CADM2: variants seen among roughly 807,000 people sequenced by gnomAD.
CADM2 encodes the protein cell adhesion molecule 2, also known as immunoglobulin superfamily member 4D.
In CADM2, 12 loss-of-function variants were observed where a neutral mutation model predicts 49.8. That is an observed-to-expected ratio of 0.24 (90% confidence interval 0.15 to 0.39). The LOEUF (loss-of-function observed/expected upper bound fraction) is 0.39, where lower values mean the gene tolerates loss of function less well. Ranked by LOEUF, CADM2 falls within the 10% of genes least tolerant of loss-of-function variation. The pLI, the probability that CADM2 is intolerant of heterozygous loss-of-function variation, is 1.00. For missense variants in CADM2, 378 were observed against 492.3 expected, an observed-to-expected ratio of 0.77 and a Z score of 2.20; for synonymous variants, 214 against 175.4, an observed-to-expected ratio of 1.22 and a Z score of -1.74.
chr3:85,891,044 G>A (rs898358535), intron 5 of CADM2, among the ~76,000 whole-genome samples: 9 of 152,056 alleles, frequency 5.9e-5, no homozygotes, highest in Admixed American at 6.6e-5. Context: ...GCTTTCAAAA[G>A]TAAAATGAAA....
At chr3:85,276,819 A>G (rs1006259471) in intron 1 of CADM2, among the ~76,000 whole-genome samples, 2 of 151,336 alleles carry the variant, frequency 1.3e-5, no homozygotes, top group Non-Finnish European at 3.0e-5. Context: ...GGGATATTGG[A>G]CAGCCCAGTT....
chr3:85,123,478 AG>A (rs1424824273), intron 1 of CADM2, among the ~76,000 whole-genome samples: 3 of 152,144 alleles, frequency 2.0e-5, no homozygotes, highest in African/African-American at 7.2e-5. Context: ...GACCTCTAAG[AG>A]GGGCACTCCT....
At chr3:85,013,145 A>T (rs1392609899) in intron 1 of CADM2, among the ~76,000 whole-genome samples, 7 of 67,310 alleles carry the variant, frequency 1.0e-4, no homozygotes, top group Admixed American at 2.0e-4. Context: ...TGGAAATTAA[A>T]AAAAAAAAAA....
intron 1 of CADM2, among the ~76,000 whole-genome samples, chr3:85,075,218 G>A (rs1462797766): frequency 6.6e-6 from 1 of 151,026 alleles, no homozygotes; most frequent in Non-Finnish European, 1.5e-5. Flanking sequence ...GGCCTAAGCA[G>A]TTTTTTTGTT....
intron 1 of CADM2, among the ~76,000 whole-genome samples, chr3:85,432,567 TG>T (rs2036731121): frequency 6.6e-6 from 1 of 152,104 alleles, no homozygotes; most frequent in South Asian, 2.1e-4. Context: ...TTTCATGTAT[TG>T]GAGGAAAAGA....
chr3:85,429,030 T>C (rs1247252829), intron 1 of CADM2, among the ~76,000 whole-genome samples: 2 of 152,142 alleles, frequency 1.3e-5, no homozygotes, highest in Non-Finnish European at 2.9e-5. Context: ...TTTAGTTTAC[T>C]TGACTCTGGT....
At chr3:85,554,069 C>G (rs1449410) in intron 1 of CADM2, among the ~76,000 whole-genome samples, 77,377 of 151,014 alleles carry the variant, frequency 0.51, 22,868 homozygotes, top group East Asian at 0.85. Context: ...GTTTTTGGCA[C>G]CAGGGACCAA....
At chr3:85,762,271 G>A (rs150259629) in intron 2 of CADM2, among the ~76,000 whole-genome samples, 47 of 152,126 alleles carry the variant, frequency 3.1e-4, no homozygotes, top group Middle Eastern at 3.4e-3. Context: ...ACTCTTTGCC[G>A]TGTGTACCTA....
intron 1 of CADM2, among the ~76,000 whole-genome samples, chr3:85,101,097 T>C (rs920856323): frequency 6.6e-6 from 1 of 151,930 alleles, no homozygotes; most frequent in African/African-American, 2.4e-5. Context: ...CTACTAAAAA[T>C]AGAAAAATTA....
At chr3:85,885,719 G>A (rs1713530743) in intron 4 of CADM2, among the ~76,000 whole-genome samples, 1 of 149,766 alleles carries the variant, frequency 6.7e-6, no homozygotes, top group East Asian at 2.0e-4. Context: ...GGGCATGGTG[G>A]TGCACACCTG....
chr3:85,446,300 G>T (rs185205515), intron 1 of CADM2, among the ~76,000 whole-genome samples: 1 of 152,206 alleles, frequency 6.6e-6, no homozygotes, highest in Admixed American at 6.5e-5. Flanking sequence ...AAAATTTACA[G>T]AAGAGTTATA....
intron 7 of CADM2, among the ~76,000 whole-genome samples, chr3:85,952,236 A>C (rs2108589529): frequency 6.6e-6 from 1 of 151,038 alleles, no homozygotes; most frequent in African/African-American, 2.4e-5. Flanking sequence ...AGGACAATAA[A>C]TTTTGAAATA....
chr3:85,151,728 T>A (rs2107647319), intron 1 of CADM2, among the ~76,000 whole-genome samples: 1 of 152,266 alleles, frequency 6.6e-6, no homozygotes, highest in South Asian at 2.1e-4. Flanking sequence ...TTTGTTATAG[T>A]TTGGGAGGTT....
chr3:85,862,633 A>T (rs1216073165), intron 3 of CADM2, among the ~76,000 whole-genome samples: 1 of 152,138 alleles, frequency 6.6e-6, no homozygotes, highest in Non-Finnish European at 1.5e-5. Flanking sequence ...GCCACATATA[A>T]ATGATACCAA....
intron 8 of CADM2, among the ~76,000 whole-genome samples, chr3:85,989,928 G>C (rs575136197): frequency 1.5e-5 from 2 of 137,080 alleles, no homozygotes; most frequent in Non-Finnish European, 3.0e-5. Flanking sequence ...CAGGAGAATC[G>C]CTTGACCCGG....
intron 1 of CADM2, among the ~76,000 whole-genome samples, chr3:85,617,687 T>C (rs1347615941): frequency 6.6e-6 from 1 of 152,124 alleles, no homozygotes; most frequent in Non-Finnish European, 1.5e-5. Context: ...CCTTGGTCTT[T>C]CTCGTGACCA....
chr3:85,921,772 C>CTT (rs1577670467), intron 6 of CADM2, among the ~76,000 whole-genome samples: 1 of 151,950 alleles, frequency 6.6e-6, no homozygotes, highest in African/African-American at 2.4e-5. Flanking sequence ...CTCTCTCTCT[C>CTT]TCGTTACATC....
rs73134752 is a variant in CADM2, at chr3:85,388,588, T to A, written c.62-337934T>A. ...GATATGGCAATACTCCTCATTTTAA[T>A]TTTTTTCACAAAACCAAGGGAAGCA... On this transcript the variant is annotated intron_variant, in intron 1 of 9. Coordinates refer to ENST00000383699, the MANE Select transcript of CADM2 (RefSeq NM_001167675.2). Among the ~76,000 whole-genome samples, 1,262 of 152,218 alleles carry A rather than the reference T, an allele frequency of 8.3e-3. 14 individuals are homozygous for A. Among genetic ancestry groups the A allele is most frequent in the Middle Eastern group, 0.017 (5 of 294 alleles).
chr3:85,600,089 T>C (rs1297252573), intron 1 of CADM2, among the ~76,000 whole-genome samples: 1 of 152,032 alleles, frequency 6.6e-6, no homozygotes, highest in Non-Finnish European at 1.5e-5. Context: ...AAAGCTGATT[T>C]ATTTGATATA....
Sources: gnomAD v4.1 joint callset for allele counts (sites outside exome capture counted in the v4.1 genomes callset) on GRCh38, gnomAD v4.1.1 for gene constraint, MANE v1.5 for transcripts, NCBI Gene and HGNC (gene_info 2026-07-23, HGNC 2026-07-21) for gene names.